The following DNAI7 variants were observed in gnomAD, a reference collection of about 807,000 sequenced individuals.
The protein encoded by DNAI7 is dynein axonemal intermediate chain 7, also known as cancer susceptibility 1.
In DNAI7, 78 loss-of-function variants were observed where a neutral mutation model predicts 86.6. The ratio of observed to expected loss-of-function variants is 0.90; its 90% CI spans 0.75 to 1.09. The LOEUF (loss-of-function observed/expected upper bound fraction) is 1.09. Among genes scored for constraint, DNAI7 ranks in the 50% least tolerant of loss-of-function variants. The pLI, the probability that DNAI7 is intolerant of heterozygous loss-of-function variation, is 0.00. For synonymous variants in DNAI7, 274 were observed against 273.0 expected (o/e 1.00, Z -0.04); for missense variants, 753 against 810.2 (o/e 0.93, Z 0.86).
At chr12:25,132,618 T>C (rs1249722102) in intron 9 of DNAI7, among the ~76,000 whole-genome samples, 1 of 150,304 alleles carries the variant, frequency 6.7e-6, no homozygotes, top group Non-Finnish European at 1.5e-5. Context: ...TAAATTACTA[T>C]AAGTTAAATC....
chr12:25,154,211 C>T, intron 6 of DNAI7, 108 bp downstream of exon 6: 1 of 856,820 alleles, frequency 1.2e-6, no homozygotes, highest in Non-Finnish European at 1.7e-6. Context: ...GCTAAGGGTT[C>T]AAAAGCAGTA....
In DNAI7 at chr12:25,158,504, C is replaced by A. The variant is rs1207570974; in HGVS notation, c.166G>T (p.Glu56Ter). ...TCAAGTCGATGCCATTTTTCTTTCTCAATTCGCTGTATTTCAAGCCTTTCC... is the reference window on the plus strand; with the variant it reads ...TCAAGTCGATGCCATTTTTCTTTCTAAATTCGCTGTATTTCAAGCCTTTCC... ...EMERLEIQRI[E>*]KEKWHRLEAK... Residue 56 changes from glutamate to a stop codon, truncating the protein, a stop_gained, in exon 4 of 16, where the codon GAG (glutamate) becomes TAG (stop). Coordinates refer to ENST00000395987, the MANE Select transcript of DNAI7 (RefSeq NM_018272.5). LOFTEE classifies it high-confidence loss of function. 6.2e-7 allele frequency: 1 copy of A among 1,613,094 alleles called. No homozygotes were observed. Among genetic ancestry groups the A allele is most frequent in the Admixed American group, 1.7e-5 (1 of 59,972 alleles).
intron 4 of DNAI7, among the ~76,000 whole-genome samples, chr12:25,157,427 G>A (rs540748637): frequency 4.9e-4 from 75 of 151,600 alleles, no homozygotes; most frequent in Non-Finnish European, 9.0e-4. Flanking sequence ...ACAACATATT[G>A]CAACAGATGG....
intron 2 of DNAI7, among the ~76,000 whole-genome samples, chr12:25,176,181 T>G (rs1409521973): frequency 6.6e-6 from 1 of 152,198 alleles, no homozygotes; most frequent in Non-Finnish European, 1.5e-5. Flanking sequence ...TAATCTGTTT[T>G]CTATTTGAGT....
In DNAI7 at chr12:25,108,664, T is replaced by C. The variant is rs746354469; in HGVS notation, c.2053A>G (p.Met685Val). The C allele has an allele frequency of 1.2e-6, 2 of 1,613,512 alleles. No homozygotes were observed. Among genetic ancestry groups the C allele is most frequent in the Non-Finnish European group, 1.7e-6 (2 of 1,179,830 alleles). Residue 685 changes from methionine to valine, a missense_variant, in exon 16 of 16, where the codon ATG becomes GTG. Transcript: ENST00000395987. ...TCCTCAGAAGCAAAATCCTTCACCA[T>C]GTGATATAAAGTAGAATGAAACTCA... Reference protein sequence around the residue: ...ETEFHSTLYHMVKDFASEEAM... With the variant: ...ETEFHSTLYHVVKDFASEEAM...
chr12:25,159,630 G>A (rs1946611876), intron 3 of DNAI7, among the ~76,000 whole-genome samples: 1 of 152,116 alleles, frequency 6.6e-6, no homozygotes. Flanking sequence ...CCATAATCTT[G>A]TGACATCTAC....
chr12:25,118,444 G>C (rs904985879), intron 12 of DNAI7, among the ~76,000 whole-genome samples: 2 of 151,578 alleles, frequency 1.3e-5, no homozygotes, highest in Non-Finnish European at 2.9e-5. Flanking sequence ...TCTATTTTTA[G>C]TAGAGATGAG....
rs139714828 is a variant in DNAI7, at chr12:25,162,733, C to A, written c.22-1536G>T. The stretch of plus-strand genomic sequence containing the variant: ...TCCCAGGTTAGATTTCACAGTTCAT[C>A]GCCCTTATCACTAACTTATATACCT... On this transcript the variant is annotated intron_variant, in intron 2 of 15. Coordinates refer to ENST00000395987, the MANE Select transcript of DNAI7 (RefSeq NM_018272.5). Among the ~76,000 whole-genome samples, 531 of 152,280 alleles carry A rather than the reference C, an allele frequency of 3.5e-3. 4 individuals carry two copies. The highest frequency in any genetic ancestry group is 0.012 in the African/African-American group (509 of 41,560).
chr12:25,113,940 T>TG (rs1384260738), intron 13 of DNAI7, among the ~76,000 whole-genome samples: 2 of 69,112 alleles, frequency 2.9e-5, no homozygotes, highest in African/African-American at 9.7e-5. Flanking sequence ...CTTTCTGGGT[T>TG]TTTTTTTTTT....
intron 7 of DNAI7, 148 bp from the exon 8 acceptor site, chr12:25,147,252 G>A (rs1313550028): frequency 3.7e-6 from 2 of 543,876 alleles, no homozygotes; most frequent in Non-Finnish European, 6.5e-6. Flanking sequence ...CAATCAACAT[G>A]ACAAAGAATT....
chr12:25,165,472 T>C (rs1240076996), intron 2 of DNAI7, among the ~76,000 whole-genome samples: 1 of 152,176 alleles, frequency 6.6e-6, no homozygotes, highest in Non-Finnish European at 1.5e-5. Flanking sequence ...AGCCCAGGAT[T>C]CCTCCTAAGC....
chr12:25,132,541 T>G (rs1297871991), intron 9 of DNAI7, among the ~76,000 whole-genome samples: 1 of 150,984 alleles, frequency 6.6e-6, no homozygotes, highest in Non-Finnish European at 1.5e-5. Context: ...TTTGCTACTA[T>G]AAAAAACTTC....
intron 2 of DNAI7, among the ~76,000 whole-genome samples, chr12:25,186,138 T>C (rs974780485): frequency 1.3e-5 from 2 of 152,200 alleles, no homozygotes; most frequent in African/African-American, 2.4e-5. Flanking sequence ...TGAAGTACAG[T>C]GGTTTCTGAT....
intron 3 of DNAI7, among the ~76,000 whole-genome samples, chr12:25,160,460 C>G (rs1300947321): frequency 6.6e-6 from 1 of 152,216 alleles, no homozygotes; most frequent in African/African-American, 2.4e-5. Context: ...ATTCTGATCA[C>G]CTGCTCCACC....
Position 25,195,144 on chromosome 12 carries a change from C to T in DNAI7, c.-66G>A. 2 of 1,553,836 alleles carry T rather than the reference C, an allele frequency of 1.3e-6. No individual in the cohort carries two copies. The highest frequency in any genetic ancestry group is 8.9e-7 in the Non-Finnish European group (1 of 1,126,214). ...CAGAAATTGTGTGGACAAACGCTCC[C>T]GGGTTGCCCGGACGACAGGCCCCGC... On this transcript the variant is annotated 5_prime_UTR_variant, in exon 1 of 16. Transcript: ENST00000395987.
chr12:25,145,310 CT>C (rs1220854515), intron 8 of DNAI7, among the ~76,000 whole-genome samples: 1 of 152,142 alleles, frequency 6.6e-6, no homozygotes, highest in Non-Finnish European at 1.5e-5. Context: ...CTTGTAAGTA[CT>C]TCAAACTCAG....
At position 25,121,861 on chromosome 12, in the gene DNAI7, G is replaced by A. The variant is rs759289897; in HGVS notation, c.1131C>T (p.Asp377=). The A allele has an allele frequency of 6.3e-7, 1 of 1,594,770 alleles. No homozygotes were observed. Among genetic ancestry groups the A allele is most frequent in the Non-Finnish European group, 8.5e-7 (1 of 1,174,810 alleles). Residue 377 remains aspartate, a synonymous_variant, in exon 11 of 16, where the codon GAC becomes GAT. Transcript: ENST00000395987. The stretch of plus-strand genomic sequence containing the variant: ...TGAACTGGCATAAATCCACCACATT[G>A]TCTTCAAAGAAATCTGGCTTTTCAG... ...NSSEKPDFFE[D]NVVDLCQFTT...
chr12:25,116,563 G>A (rs142690117), intron 12 of DNAI7, among the ~76,000 whole-genome samples: 7 of 152,068 alleles, frequency 4.6e-5, no homozygotes, highest in Middle Eastern at 3.4e-3. Flanking sequence ...AAAATGGTGC[G>A]ATCTCAGCTC....
intron 4 of DNAI7, among the ~76,000 whole-genome samples, 187 bp downstream of exon 4, chr12:25,158,285 T>A (rs1241196774): frequency 6.6e-6 from 1 of 152,142 alleles, no homozygotes; most frequent in Admixed American, 6.5e-5. Flanking sequence ...AGATGCTTAA[T>A]TTCTCTATGC....
Sources: allele counts gnomAD v4.1 joint callset (sites outside exome capture counted in the v4.1 genomes callset), GRCh38; gene constraint gnomAD v4.1.1; transcripts MANE v1.5; gene names NCBI Gene and HGNC (gene_info 2026-07-23, HGNC 2026-07-21).